Variants in RPGRIP1L observed in about 807,000 individuals in gnomAD.
RPGRIP1L encodes protein fantom.
RPGRIP1L carries 131 observed loss-of-function variants against 160.4 expected under a neutral mutation model. That is an observed-to-expected ratio of 0.82 (90% CI 0.71 to 0.94). The LOEUF is 0.94. RPGRIP1L is among the 40% of genes least tolerant of loss of function. The probability of loss-of-function intolerance (pLI) is 0.00; values close to 1 mark genes in which losing one functional copy is unlikely to be tolerated. For missense variants in RPGRIP1L, 1,522 were observed against 1,535.8 expected (o/e 0.99, Z 0.15); for synonymous variants, 510 against 515.8 (o/e 0.99, Z 0.15).
chr16:53,646,195 C>T (rs1045091438), intron 16 of RPGRIP1L, among the ~76,000 whole-genome samples, 192 bp from the exon 17 acceptor site: 4 of 152,058 alleles, frequency 2.6e-5, no homozygotes, highest in Admixed American at 2.6e-4. Flanking sequence ...ATAGATGATC[C>T]TGTTATTAGC....
Position 53,673,099 on chromosome 16 carries a change from C to G in RPGRIP1L, c.883-83G>C, listed in dbSNP as rs529783033. 99 of 1,306,448 alleles carry G rather than the reference C, an allele frequency of 7.6e-5. 1 individual carries two copies. The African/African-American group carries it at 1.0e-3, about 13-fold the overall frequency. 80.9% of individuals were successfully genotyped at this position (1,306,448 alleles called of 1,614,324 possible). A position where few individuals can be genotyped will look rare whatever the true frequency, so the allele number is the denominator to read the frequency against. The stretch of plus-strand genomic sequence containing the variant: ...ACTAAATGATTTGACTAAATGATTA[C>G]AATTCTATAAATGAATTTACTCCCG... On this transcript the variant is annotated intron_variant, in intron 7 of 26. Coordinates refer to ENST00000647211, the MANE Select transcript of RPGRIP1L (RefSeq NM_015272.5).
chr16:53,625,303 G>A (rs1218642848), intron 22 of RPGRIP1L, among the ~76,000 whole-genome samples: 1 of 150,478 alleles, frequency 6.6e-6, no homozygotes, highest in Non-Finnish European at 1.5e-5. Flanking sequence ...GCCGCCCATC[G>A]TCTGGGATGT....
chr16:53,633,320 G>A (rs1362552530), intron 22 of RPGRIP1L, among the ~76,000 whole-genome samples: 1 of 152,180 alleles, frequency 6.6e-6, no homozygotes, highest in Non-Finnish European at 1.5e-5. Flanking sequence ...AGAGCACACA[G>A]TATCGCTTCT....
chr16:53,626,596 T>C (rs1965194683), intron 22 of RPGRIP1L, among the ~76,000 whole-genome samples: 1 of 152,034 alleles, frequency 6.6e-6, no homozygotes, highest in African/African-American at 2.4e-5. Flanking sequence ...CTTGAGACCA[T>C]GACTTCAAGA....
rs1967278713 is a variant in RPGRIP1L at position 53,656,593 on chromosome 16, C to A, written c.1582-4G>T. Reference sequence around the variant, plus strand: ...GGGTCACTGCCTCAACCTCCATCTACAAAATAAGGGAAAATAAGTTTTAAT... The same window carrying A: ...GGGTCACTGCCTCAACCTCCATCTAAAAAATAAGGGAAAATAAGTTTTAAT... On this transcript the variant is annotated splice_region_variant and splice_polypyrimidine_tract_variant and intron_variant, in intron 13 of 26. Coordinates refer to ENST00000647211, the MANE Select transcript of RPGRIP1L (RefSeq NM_015272.5). The A allele has an allele frequency of 1.9e-6, 3 of 1,586,154 alleles. No individual in the cohort carries two copies. Among genetic ancestry groups the A allele is most frequent in the Non-Finnish European group, 2.6e-6 (3 of 1,154,572 alleles).
intron 6 of RPGRIP1L, among the ~76,000 whole-genome samples, chr16:53,678,806 T>C (rs1160878407): frequency 6.6e-6 from 1 of 152,106 alleles, no homozygotes; most frequent in East Asian, 1.9e-4. Context: ...GAAAACAACC[T>C]TAGGGTTAAA....
chr16:53,658,592 A>G (rs1361719647), intron 11 of RPGRIP1L, 128 bp from the exon 12 acceptor site: 7 of 894,938 alleles, frequency 7.8e-6, no homozygotes. Context: ...CTAAGTCTAC[A>G]AGACATTCCA....
At chr16:53,620,907 T>A (rs1345531173) in intron 23 of RPGRIP1L, among the ~76,000 whole-genome samples, 5 of 152,204 alleles carry the variant, frequency 3.3e-5, no homozygotes, top group Non-Finnish European at 4.4e-5. Context: ...AACTGTAGCA[T>A]AATGTATAGT....
rs1157057714 is a variant in RPGRIP1L at position 53,657,611 on chromosome 16, C to T, written c.1423G>A (p.Gly475Arg). ...LIKAQKEQKN[G>R]DLSFLVKVDS... ...ACTTTCACTAAAAAGGAAAGGTCTC[C>T]ATTTTTTTGTTCTTTTTGAGCCTAA... Residue 475 changes from glycine to arginine, a missense_variant, in exon 13 of 27, where the codon GGA becomes AGA. Physicochemically the swap from Gly to Arg is moderately radical, Grantham distance 125. Coordinates refer to ENST00000647211, the MANE Select transcript of RPGRIP1L (RefSeq NM_015272.5). The T allele has an allele frequency of 1.3e-6, 2 of 1,588,116 alleles. No homozygotes were observed. The highest frequency in any genetic ancestry group is 8.6e-7 in the Non-Finnish European group (1 of 1,163,544).
chr16:53,658,151 A>G (rs1054763725), intron 12 of RPGRIP1L, among the ~76,000 whole-genome samples: 1 of 152,158 alleles, frequency 6.6e-6, no homozygotes, highest in African/African-American at 2.4e-5. Flanking sequence ...AAGTGCTTTA[A>G]ATGAGAGTTT....
rs1015980331 is a variant in RPGRIP1L at position 53,671,642 on chromosome 16, A to G, written c.1030-59T>C. 25 of 869,082 alleles carry G rather than the reference A, an allele frequency of 2.9e-5. No individual in the cohort carries two copies. In the Admixed American group the frequency reaches 5.4e-4, roughly 19 times the overall value. The allele number at this position is 869,082 out of a possible 1,614,324, so 53.8% of individuals were successfully genotyped here. On this transcript the variant is annotated intron_variant, in intron 8 of 26. Transcript: ENST00000647211. ...TATTATATAAAACCACTTGGGGGTAAAAAAAAACATTAAAAAACTCTATAT... is the reference window on the plus strand; with the variant it reads ...TATTATATAAAACCACTTGGGGGTAGAAAAAAACATTAAAAAACTCTATAT...
At chr16:53,671,253 A>C (rs774723734) in intron 9 of RPGRIP1L, among the ~76,000 whole-genome samples, 1 of 152,134 alleles carries the variant, frequency 6.6e-6, no homozygotes, top group Non-Finnish European at 1.5e-5. Context: ...GTTTATAGTT[A>C]GTGTTCAATA....
At chr16:53,621,257 A>G (rs886886413) in intron 23 of RPGRIP1L, among the ~76,000 whole-genome samples, 18 of 152,306 alleles carry the variant, frequency 1.2e-4, no homozygotes, top group African/African-American at 4.3e-4. Flanking sequence ...CAACTCTTTA[A>G]AGTTTAAAAT....
intron 14 of RPGRIP1L, among the ~76,000 whole-genome samples, chr16:53,653,805 C>T (rs948289835): frequency 1.1e-4 from 16 of 152,140 alleles, no homozygotes; most frequent in Non-Finnish European, 2.2e-4. Context: ...ACTTTTATGA[C>T]TTTTGTCATT....
In RPGRIP1L at chr16:53,645,610, A is replaced by G. The variant is rs749282849; in HGVS notation, c.2683+15T>C. ...TTGTTTTTACAATTTTATAGATTCA[A>G]AAACATAGGCTTACCTGAGATACAC... On this transcript the variant is annotated intron_variant, in intron 17 of 26. Coordinates refer to ENST00000647211, the MANE Select transcript of RPGRIP1L (RefSeq NM_015272.5). 5.2e-5 allele frequency: 83 copies of G among 1,610,604 alleles called. No homozygotes were observed. Among genetic ancestry groups the G allele is most frequent in the Non-Finnish European group, 6.5e-5 (77 of 1,179,254 alleles).
intron 9 of RPGRIP1L, among the ~76,000 whole-genome samples, chr16:53,670,647 T>C (rs1968636880): frequency 6.6e-6 from 1 of 152,198 alleles, no homozygotes; most frequent in Admixed American, 6.5e-5. Context: ...TATCTTGAGA[T>C]AAAGATGCTT....
chr16:53,611,545 C>T (rs537827038), intron 24 of RPGRIP1L, among the ~76,000 whole-genome samples: 42 of 152,300 alleles, frequency 2.8e-4, no homozygotes, highest in African/African-American at 9.6e-4. Context: ...CGCAGGCTGA[C>T]GCCTGCTGGG....
intron 13 of RPGRIP1L, 46 bp downstream of exon 13, chr16:53,657,407 G>A (rs1567847221): frequency 1.6e-6 from 2 of 1,284,222 alleles, no homozygotes; most frequent in Non-Finnish European, 1.1e-6. Flanking sequence ...TAAATCATCA[G>A]AATATTATAG....
At position 53,632,867 on chromosome 16, in the gene RPGRIP1L, C is replaced by T. The variant is rs181436544; in HGVS notation, c.3294+3572G>A. ...AAGTCATCCTTGATGAAGGGAAGAC[C>T]CCTCATGCTGACTTAGGGACCCCTT... On this transcript the variant is annotated intron_variant, in intron 22 of 26. Transcript: ENST00000647211. Among the ~76,000 whole-genome samples, 17 of 152,242 alleles carry T rather than the reference C, an allele frequency of 1.1e-4. No homozygotes were observed. The East Asian group carries it at 3.3e-3, about 29-fold the overall frequency.
Sources: gnomAD v4.1 joint callset for allele counts (sites outside exome capture counted in the v4.1 genomes callset) on GRCh38, gnomAD v4.1.1 for gene constraint, MANE v1.5 for transcripts, NCBI Gene and HGNC (gene_info 2026-07-23, HGNC 2026-07-21) for gene names.